Variants in BAZ2B observed in about 807,000 individuals in gnomAD.
The protein encoded by BAZ2B is bromodomain adjacent to zinc finger domain 2B.
A neutral mutation model predicts 246.0 loss-of-function variants in BAZ2B; 91 were observed. The ratio of observed to expected loss-of-function variants is 0.37; its 90% confidence interval spans 0.31 to 0.44. The LOEUF is 0.44. BAZ2B is among the 20% of genes least tolerant of loss of function. The probability of loss-of-function intolerance (pLI) is 1.00; values close to 1 mark genes in which losing one functional copy is unlikely to be tolerated. For missense variants in BAZ2B, 2,332 were observed against 2,533.7 expected (o/e 0.92, Z 1.71); for synonymous variants, 855 against 860.0 (o/e 0.99, Z 0.10).
At chr2:159,450,908 T>A (rs1229209086) in intron 4 of BAZ2B, among the ~76,000 whole-genome samples, 1 of 152,024 alleles carries the variant, frequency 6.6e-6, no homozygotes, top group Non-Finnish European at 1.5e-5. Flanking sequence ...CCTGGCTAAT[T>A]TTTGTAGTTT....
chr2:159,592,299 A>G (rs1689580046), intron 1 of BAZ2B, among the ~76,000 whole-genome samples: 2 of 152,138 alleles, frequency 1.3e-5, no homozygotes, highest in Admixed American at 1.3e-4. Context: ...AATATTCAGT[A>G]TCATGAATTT....
the BAZ2B span, among the ~76,000 whole-genome samples, chr2:159,658,236 T>G: frequency 6.6e-6 from 1 of 152,332 alleles, no homozygotes; most frequent in East Asian, 1.9e-4. Context: ...AACTGATCTT[T>G]GCTAAACCAA....
intron 2 of BAZ2B, among the ~76,000 whole-genome samples, chr2:159,537,798 C>T (rs951461184): frequency 2.0e-5 from 3 of 152,028 alleles, no homozygotes; most frequent in African/African-American, 7.2e-5. Context: ...TTGCTTATGC[C>T]TTTTTGAAAA....
At chr2:159,343,885 G>A (rs2067219735) in intron 31 of BAZ2B, among the ~76,000 whole-genome samples, 1 of 151,910 alleles carries the variant, frequency 6.6e-6, no homozygotes, top group Non-Finnish European at 1.5e-5. Flanking sequence ...AATTAGCTGG[G>A]TGTGGTGGTG....
At position 159,386,449 on chromosome 2, in the gene BAZ2B, C is replaced by T; in HGVS notation, c.3375G>A (p.Leu1125=). Residue 1125 remains leucine, a synonymous_variant, in exon 22 of 37, where the codon TTG becomes TTA. Coordinates refer to ENST00000392783, the MANE Select transcript of BAZ2B (RefSeq NM_013450.4). ...CACCCATGCTGTCCCCTATATTTAG[C>T]AATCCCTCTTGAAGAACACTCAGGT... ...VPNLSVLQEG[L]LNIGDSMGEV... 6.2e-7 allele frequency: 1 copy of T among 1,613,648 alleles called. No individual in the cohort carries two copies. The highest frequency in any genetic ancestry group is 8.5e-7 in the Non-Finnish European group (1 of 1,179,760).
chr2:159,476,287 G>GA (rs1349393885), intron 3 of BAZ2B, among the ~76,000 whole-genome samples: 6 of 151,822 alleles, frequency 4.0e-5, no homozygotes, highest in African/African-American at 1.2e-4. Context: ...CCTACAAAAT[G>GA]AAAAAAACTC....
the BAZ2B span, among the ~76,000 whole-genome samples, chr2:159,700,692 G>A: frequency 1.3e-5 from 2 of 152,148 alleles, no homozygotes; most frequent in South Asian, 2.1e-4. Flanking sequence ...TGATCTGCCC[G>A]CTTCAGCCTC....
intron 35 of BAZ2B, 140 bp from the exon 36 acceptor site, chr2:159,325,094 A>AT (rs1322886589): frequency 0.049 from 136 of 2,772 alleles, 5 homozygotes; most frequent in African/African-American, 0.16. Context: ...TATATATATT[A>AT]TATATATATA....
chr2:159,413,019 CA>C (rs949955296), intron 13 of BAZ2B, among the ~76,000 whole-genome samples: 3 of 152,118 alleles, frequency 2.0e-5, no homozygotes, highest in African/African-American at 7.2e-5. Flanking sequence ...CAGGATTCTG[CA>C]ATACCTAATA....
intron 27 of BAZ2B, among the ~76,000 whole-genome samples, chr2:159,364,670 CTTAG>C (rs1310082019): frequency 1.3e-5 from 2 of 152,082 alleles, no homozygotes; most frequent in Non-Finnish European, 2.9e-5. Context: ...ATGCCTAGCC[CTTAG>C]TTAGACATTT....
At chr2:159,421,499 C>T (rs758720008) in intron 13 of BAZ2B, among the ~76,000 whole-genome samples, 10 of 151,968 alleles carry the variant, frequency 6.6e-5, no homozygotes, top group East Asian at 1.9e-4. Flanking sequence ...CATTTGTAAT[C>T]CTATTTTCTT....
intron 3 of BAZ2B, among the ~76,000 whole-genome samples, chr2:159,458,049 C>G (rs1230124157): frequency 6.6e-6 from 1 of 152,132 alleles, no homozygotes; most frequent in African/African-American, 2.4e-5. Context: ...CTCCAGCCAC[C>G]CAGGCTGGAG....
the BAZ2B span, among the ~76,000 whole-genome samples, chr2:159,636,709 TG>T: frequency 6.6e-6 from 1 of 152,136 alleles, no homozygotes; most frequent in Non-Finnish European, 1.5e-5. Flanking sequence ...AGATACTAGT[TG>T]GGGTGGCTAT....
intron 1 of BAZ2B, among the ~76,000 whole-genome samples, chr2:159,583,175 C>T (rs564258803): frequency 6.0e-5 from 9 of 149,104 alleles, no homozygotes; most frequent in East Asian, 3.9e-4. Flanking sequence ...AGTACAGTGG[C>T]GCGATCTCAG....
the BAZ2B span, among the ~76,000 whole-genome samples, chr2:159,671,467 T>A: frequency 6.6e-6 from 1 of 152,174 alleles, no homozygotes; most frequent in Admixed American, 6.5e-5. Flanking sequence ...AGAGAGGCAA[T>A]GTTTTTAAAA....
rs1358478416 is a variant in BAZ2B, at chr2:159,374,696, T to G, written c.4063A>C (p.Ser1355Arg). Residue 1355 changes from serine (S) to arginine (R), a missense_variant, in exon 26 of 37, where the codon AGT becomes CGT. Ser to Arg is a moderately radical substitution (Grantham distance 110, BLOSUM62 -1). Around this residue, in one of 9 missense-constraint regions of BAZ2B, gnomAD observed 676 missense variants for 668.6 expected, o/e 1.01. Coordinates refer to ENST00000392783, the MANE Select transcript of BAZ2B (RefSeq NM_013450.4). ...TTAATCAGAAAAGTGCTTACTTTAC[T>G]CAGTTTTTCAATCTGTTTTTCCAGC... ...EELEKQIEKL[S>R]KQQSQYRRKL... 1 of 1,611,858 alleles carries G rather than the reference T, an allele frequency of 6.2e-7. No individual in the cohort carries two copies. The highest frequency in any genetic ancestry group is 2.2e-5 in the East Asian group (1 of 44,752).
chr2:159,483,406 C>T (rs1323676205), intron 2 of BAZ2B, among the ~76,000 whole-genome samples: 1 of 152,050 alleles, frequency 6.6e-6, no homozygotes, highest in Non-Finnish European at 1.5e-5. Context: ...TGCCATGTTG[C>T]CCAGGCTGGT....
intron 8 of BAZ2B, 76 bp from the exon 9 acceptor site, chr2:159,433,439 T>C (rs1316651897): frequency 1.5e-6 from 2 of 1,338,060 alleles, no homozygotes. Context: ...TTTCAATATC[T>C]GAAAACAAAT....
the BAZ2B span, among the ~76,000 whole-genome samples, chr2:159,662,997 C>T: frequency 4.6e-5 from 7 of 151,852 alleles, no homozygotes; most frequent in Admixed American, 2.0e-4. Flanking sequence ...ATTCTTTGTC[C>T]ATTTTTTAAA....
Sources: allele counts gnomAD v4.1 joint callset (sites outside exome capture counted in the v4.1 genomes callset), GRCh38; gene constraint gnomAD v4.1.1; regional missense constraint gnomAD v4.1.1; transcripts MANE v1.5; gene names NCBI Gene and HGNC (gene_info 2026-07-23, HGNC 2026-07-21).